TSPAN9: variants seen among roughly 807,000 people sequenced by gnomAD.
The protein encoded by TSPAN9 is tetraspanin 9, also known as tetraspanin-9.
A neutral mutation model predicts 31.0 loss-of-function variants in TSPAN9; 16 were observed. That is an observed-to-expected ratio of 0.52 (90% CI 0.35 to 0.78). The LOEUF (loss-of-function observed/expected upper bound fraction) is 0.78. TSPAN9 is among the 30% of genes least tolerant of loss of function. The pLI, the probability that TSPAN9 is intolerant of heterozygous loss-of-function variation, is 0.01. For missense variants in TSPAN9, 272 were observed against 312.5 expected (o/e 0.87, Z 0.98); for synonymous variants, 145 against 121.6 (o/e 1.19, Z -1.27).
At chr12:3,195,568 C>T (rs921457594) in intron 2 of TSPAN9, among the ~76,000 whole-genome samples, 3 of 152,174 alleles carry the variant, frequency 2.0e-5, no homozygotes, top group Non-Finnish European at 4.4e-5. Flanking sequence ...GATGATGTCT[C>T]ACAGCACCAT....
intron 3 of TSPAN9, among the ~76,000 whole-genome samples, chr12:3,227,991 G>A (rs2098388757): frequency 6.6e-6 from 1 of 152,150 alleles, no homozygotes; most frequent in African/African-American, 2.4e-5. Flanking sequence ...AATAAGAAAG[G>A]CAGCTAAAAT....
intron 3 of TSPAN9, among the ~76,000 whole-genome samples, chr12:3,267,595 G>A (rs1056579753): frequency 6.6e-6 from 1 of 152,210 alleles, no homozygotes; most frequent in Non-Finnish European, 1.5e-5. Flanking sequence ...CACAATTACT[G>A]TGTGCTTTGA....
At chr12:3,225,255 G>A (rs1470319728) in intron 3 of TSPAN9, among the ~76,000 whole-genome samples, 3 of 152,080 alleles carry the variant, frequency 2.0e-5, no homozygotes, top group Admixed American at 2.0e-4. Context: ...GATTTCAGGC[G>A]AGGCCTGGCT....
At chr12:3,185,796 G>A (rs577803433) in intron 2 of TSPAN9, among the ~76,000 whole-genome samples, 1 of 152,332 alleles carries the variant, frequency 6.6e-6, no homozygotes, top group East Asian at 1.9e-4. Flanking sequence ...TTTCTTCTAG[G>A]CCCAGAGCTG....
chr12:3,194,498 C>T (rs757198090), intron 2 of TSPAN9, among the ~76,000 whole-genome samples: 12 of 152,084 alleles, frequency 7.9e-5, no homozygotes, highest in Non-Finnish European at 1.6e-4. Flanking sequence ...GTGATCCTCC[C>T]GCCTCAGCCT....
chr12:3,165,883 G>A (rs1309886400), intron 2 of TSPAN9, among the ~76,000 whole-genome samples: 1 of 152,200 alleles, frequency 6.6e-6, no homozygotes, highest in Admixed American at 6.5e-5. Context: ...TCTCAGCCAT[G>A]TTCGAGGCAG....
At chr12:3,148,286 C>A (rs547033350) in intron 2 of TSPAN9, among the ~76,000 whole-genome samples, 2 of 152,212 alleles carry the variant, frequency 1.3e-5, no homozygotes, top group Non-Finnish European at 2.9e-5. Context: ...CATTTTGCAG[C>A]AGATAATTGC....
rs946918294 is a variant in TSPAN9, at chr12:3,201,190, C to T, written c.-4C>T. On this transcript the variant is annotated 5_prime_UTR_variant, in exon 3 of 9. Coordinates refer to ENST00000011898, the MANE Select transcript of TSPAN9 (RefSeq NM_006675.5). ...TGTTCCTCCTAGAATTTAAGAAGTG[C>T]AACATGGCCAGGGGCTGCCTCTGCT... The T allele has an allele frequency of 4.3e-6, 7 of 1,614,124 alleles. No individual in the cohort carries two copies. The highest frequency in any genetic ancestry group is 1.1e-5 in the South Asian group (1 of 91,078).
At chr12:3,138,007 C>G (rs2098332895) in intron 2 of TSPAN9, among the ~76,000 whole-genome samples, 1 of 152,136 alleles carries the variant, frequency 6.6e-6, no homozygotes, top group Non-Finnish European at 1.5e-5. Flanking sequence ...CCCGCTGTCC[C>G]CCTCACTGGC....
intron 3 of TSPAN9, among the ~76,000 whole-genome samples, chr12:3,242,469 C>T (rs112831832): frequency 1.4e-3 from 208 of 152,328 alleles, no homozygotes; most frequent in African/African-American, 4.8e-3. Flanking sequence ...ACATGTGACA[C>T]GGCCAGTCCA....
chr12:3,281,281 G>A lies in TSPAN9; in HGVS notation c.516G>A (p.Glu172=), dbSNP rs1862888373. The change falls in exon 7 of 9, where the codon GAG becomes GAA. Residue 172 remains glutamate, a synonymous_variant. Transcript: ENST00000011898. ...ENTVPDRCCM[E]NSQGCGRNAT... ...CGGTTCCCGACCGCTGCTGCATGGA[G>A]AACTCCCAGGGCTGCGGGCGCAACG... 7 of 1,551,294 alleles carry A rather than the reference G, an allele frequency of 4.5e-6. No individual in the cohort carries two copies. The highest frequency in any genetic ancestry group is 6.1e-6 in the Non-Finnish European group (7 of 1,146,960).
chr12:3,204,257 G>A (rs571173031), intron 3 of TSPAN9, among the ~76,000 whole-genome samples: 7 of 152,274 alleles, frequency 4.6e-5, no homozygotes, highest in African/African-American at 1.7e-4. Flanking sequence ...CACCGCTGCC[G>A]CCACACCACC....
rs549416451 is a variant in TSPAN9, at chr12:3,162,597, C to T, written c.-17-38580C>T. Reference sequence around the variant, plus strand: ...CCAGGGAAAAGATGATAGTGACAGCCAAGACCAGAGGTGATGAATGTTTAG... The same window carrying T: ...CCAGGGAAAAGATGATAGTGACAGCTAAGACCAGAGGTGATGAATGTTTAG... On this transcript the variant is annotated intron_variant, in intron 2 of 8. Coordinates refer to ENST00000011898, the MANE Select transcript of TSPAN9 (RefSeq NM_006675.5). 5.4e-5 allele frequency among the ~76,000 whole-genome samples: 8 copies of T among 148,342 alleles called. No individual in the cohort carries two copies. In the South Asian group the frequency reaches 1.8e-3, roughly 33 times the overall value.
chr12:3,264,619 G>A (rs1409639780), intron 3 of TSPAN9, among the ~76,000 whole-genome samples: 2 of 152,168 alleles, frequency 1.3e-5, no homozygotes, highest in Non-Finnish European at 2.9e-5. Context: ...GGGGCAGTGC[G>A]GGCAGTGGCA....
At chr12:3,186,758 C>T (rs191574909) in intron 2 of TSPAN9, among the ~76,000 whole-genome samples, 64 of 152,184 alleles carry the variant, frequency 4.2e-4, no homozygotes, top group African/African-American at 1.5e-3. Flanking sequence ...AGGGGGCTGC[C>T]CCATCCTTTC....
rs1299137772 is a variant in TSPAN9 at position 3,168,426 on chromosome 12, T to C, written c.-17-32751T>C. Among the ~76,000 whole-genome samples, 2 of 152,192 alleles carry C rather than the reference T, an allele frequency of 1.3e-5. No individual in the cohort carries two copies. The highest frequency in any genetic ancestry group is 1.3e-4 in the Admixed American group (2 of 15,278). ...GCTGGGTGAACAAGAACTGGGCCTG[T>C]CTGCAGCTGCTCAGCGTCAAGCACA... On this transcript the variant is annotated intron_variant, in intron 2 of 8. Coordinates refer to ENST00000011898, the MANE Select transcript of TSPAN9 (RefSeq NM_006675.5). The surrounding 1 kb of genome is among the most constrained non-coding windows in gnomAD (Gnocchi z 4.0).
intron 4 of TSPAN9, 137 bp from the exon 5 acceptor site, chr12:3,278,855 G>T (rs1862844640): frequency 4.0e-6 from 4 of 994,972 alleles, no homozygotes; most frequent in Non-Finnish European, 6.1e-6. Context: ...TAGCTATCTG[G>T]GTTTCCTCAG....
At chr12:3,241,587 A>G (rs1481132941) in intron 3 of TSPAN9, among the ~76,000 whole-genome samples, 2 of 152,232 alleles carry the variant, frequency 1.3e-5, no homozygotes, top group Non-Finnish European at 1.5e-5. Flanking sequence ...CCCTGGAGAA[A>G]CAGCCTGCAT....
At chr12:3,275,893 T>G (rs1862776374) in intron 3 of TSPAN9, among the ~76,000 whole-genome samples, 1 of 152,220 alleles carries the variant, frequency 6.6e-6, no homozygotes, top group Non-Finnish European at 1.5e-5. Context: ...GTTCCTACCT[T>G]TTTCTTCATG....
Sources: gnomAD v4.1 joint callset for allele counts (sites outside exome capture counted in the v4.1 genomes callset) on GRCh38, gnomAD v4.1.1 for gene constraint, Gnocchi (gnomAD v3.1) non-coding constraint, MANE v1.5 for transcripts, NCBI Gene and HGNC (gene_info 2026-07-23, HGNC 2026-07-21) for gene names.